The following CCDC80 variants were observed in gnomAD, a reference collection of about 807,000 sequenced individuals.
The protein encoded by CCDC80 is coiled-coil domain-containing protein 80.
A neutral mutation model predicts 78.7 loss-of-function variants in CCDC80; 49 were observed. That is an observed-to-expected ratio of 0.62 (90% CI 0.50 to 0.79). The LOEUF is 0.79. CCDC80 is among the 30% of genes least tolerant of loss of function. CCDC80 has a pLI of 0.00. For synonymous variants in CCDC80, 488 were observed against 447.0 expected (o/e 1.09, Z -1.16); for missense variants, 1,205 against 1,198.6 (o/e 1.01, Z -0.08).
intron 3 of CCDC80, among the ~76,000 whole-genome samples, chr3:112,624,518 T>C (rs527577198): frequency 7.9e-5 from 12 of 152,316 alleles, no homozygotes; most frequent in Non-Finnish European, 1.6e-4. Flanking sequence ...TAAGTTTAAA[T>C]TACTTTGCAA....
chr3:112,602,607 A>T lies in CCDC80; in HGVS notation c.*2810T>A, dbSNP rs1435201767. The T allele has an allele frequency of 6.6e-6, 1 of 152,280 alleles. No homozygotes were observed. Among genetic ancestry groups the T allele is most frequent in the African/African-American group, 2.4e-5 (1 of 41,472 alleles). The allele number at this position is 152,280 out of a possible 1,614,324, so 9.4% of individuals were successfully genotyped here. ...ATATGGAGAAACTTTGAGTCATCTG[A>T]ATAGAAGATCAAGCCAGCCACAAAA... On this transcript the variant is annotated 3_prime_UTR_variant, in exon 8 of 8. Transcript: ENST00000206423.
In CCDC80 at chr3:112,639,914, C is replaced by A. The variant is rs780938208; in HGVS notation, c.-9G>T. ...CCCATTCTCCATGTCATTGTGTAAT[C>A]CACTTTGCGATGCACGGAGGTCATA... On this transcript the variant is annotated splice_region_variant and 5_prime_UTR_variant, in exon 2 of 8. Coordinates refer to ENST00000206423, the MANE Select transcript of CCDC80 (RefSeq NM_199511.3). 20 of 1,610,224 alleles carry A rather than the reference C, an allele frequency of 1.2e-5. No individual in the cohort carries two copies. The highest frequency in any genetic ancestry group is 1.7e-5 in the Non-Finnish European group (20 of 1,177,484).
rs914052721 is a variant in CCDC80, at chr3:112,596,862, A to T, written c.*8555T>A. The T allele has an allele frequency of 1.3e-5, 2 of 152,112 alleles. No individual in the cohort carries two copies. Among genetic ancestry groups the T allele is most frequent in the African/African-American group, 4.8e-5 (2 of 41,444 alleles). 9.4% of individuals were successfully genotyped at this position (152,112 alleles called of 1,614,324 possible). Reference sequence around the variant, plus strand: ...AGAAGAAAAAGAGAATACAGATGACATCGGGGGTCCAAGAGACATTCCATA... The same window carrying T: ...AGAAGAAAAAGAGAATACAGATGACTTCGGGGGTCCAAGAGACATTCCATA... On this transcript the variant is annotated 3_prime_UTR_variant, in exon 8 of 8. Coordinates refer to ENST00000206423, the MANE Select transcript of CCDC80 (RefSeq NM_199511.3).
chr3:112,615,706 T>C (rs1316117443), intron 5 of CCDC80, among the ~76,000 whole-genome samples: 1 of 152,052 alleles, frequency 6.6e-6, no homozygotes, highest in Non-Finnish European at 1.5e-5. Flanking sequence ...ATAAAACAGT[T>C]TCCAGTAAAG....
chr3:112,601,300 CAT>C lies in CCDC80; in HGVS notation c.*4115_*4116del, dbSNP rs1238034595. 26 of 152,202 alleles carry C rather than the reference CAT, an allele frequency of 1.7e-4. No individual in the cohort carries two copies. Among genetic ancestry groups the C allele is most frequent in the African/African-American group, 5.5e-4 (23 of 41,512 alleles). The allele number at this position is 152,202 out of a possible 1,614,324, so 9.4% of individuals were successfully genotyped here. On this transcript the variant is annotated 3_prime_UTR_variant, in exon 8 of 8. Transcript: ENST00000206423. ...CAGATAAACCTATAGCAAATATTCACATGTGGTTTGAATGCATTTATTAATCT... is the reference window on the plus strand; with the variant it reads ...CAGATAAACCTATAGCAAATATTCACGTGGTTTGAATGCATTTATTAATCT...
chr3:112,609,678 T>TA (rs5851853), intron 6 of CCDC80, among the ~76,000 whole-genome samples: 24,818 of 150,170 alleles, frequency 0.17, 4,388 homozygotes, highest in African/African-American at 0.44. Flanking sequence ...TGAGACAATT[T>TA]AAAAAAAAAC....
intron 2 of CCDC80, among the ~76,000 whole-genome samples, chr3:112,634,010 A>G (rs565774022): frequency 6.6e-6 from 1 of 152,282 alleles, no homozygotes; most frequent in Middle Eastern, 3.4e-3. Flanking sequence ...TGTTGGCTCA[A>G]TGAGCCTCAG....
At chr3:112,635,372 T>G (rs530766595) in intron 2 of CCDC80, among the ~76,000 whole-genome samples, 36 of 152,326 alleles carry the variant, frequency 2.4e-4, no homozygotes, top group Non-Finnish European at 4.7e-4. Flanking sequence ...GTAGTTGTTC[T>G]CAGCCATACT....
chr3:112,628,901 G>C (rs1441730520), intron 3 of CCDC80, among the ~76,000 whole-genome samples: 3 of 152,110 alleles, frequency 2.0e-5, no homozygotes, highest in African/African-American at 7.2e-5. Flanking sequence ...ATCAGCTCTA[G>C]AGATCTGCCG....
In CCDC80 at chr3:112,638,435, T is replaced by A. The variant is rs1307786603; in HGVS notation, c.1471A>T (p.Lys491Ter). The change falls in exon 2 of 8, where the codon AAA (lysine) becomes TAA (stop). Residue 491 changes from lysine to a stop codon, truncating the protein, a stop_gained. Transcript: ENST00000206423. LOFTEE classifies it high-confidence loss of function. ...VPGPPKPAKEKPPKKKAQDKI... is the reference protein window; with the variant it reads ...VPGPPKPAKE ...TCCTGGGCCTTCTTTTTGGGAGGTTTCTCCTTTGCTGGCTTGGGAGGACCT... is the reference window on the plus strand; with the variant it reads ...TCCTGGGCCTTCTTTTTGGGAGGTTACTCCTTTGCTGGCTTGGGAGGACCT... 4 of 1,613,378 alleles carry A rather than the reference T, an allele frequency of 2.5e-6. No homozygotes were observed. The highest frequency in any genetic ancestry group is 3.4e-6 in the Non-Finnish European group (4 of 1,179,928).
chr3:112,619,244 A>G, intron 3 of CCDC80, 140 bp from the exon 4 acceptor site: 1 of 665,984 alleles, frequency 1.5e-6, no homozygotes, highest in Non-Finnish European at 2.3e-6. Flanking sequence ...TTTGAACAAA[A>G]GTTTTCGGAG....
intron 4 of CCDC80, among the ~76,000 whole-genome samples, chr3:112,617,087 C>T (rs113248690): frequency 1.4e-4 from 22 of 152,284 alleles, no homozygotes; most frequent in African/African-American, 4.3e-4. Flanking sequence ...TTCTTAACTA[C>T]GCTCCTTTTA....
At chr3:112,611,883 G>A (rs1396511304) in intron 5 of CCDC80, among the ~76,000 whole-genome samples, 1 of 152,156 alleles carries the variant, frequency 6.6e-6, no homozygotes, top group African/African-American at 2.4e-5. Context: ...GAGTGAACAT[G>A]AGAGTTTTCA....
intron 2 of CCDC80, among the ~76,000 whole-genome samples, chr3:112,630,883 G>A (rs959807055): frequency 6.6e-6 from 1 of 152,086 alleles, no homozygotes; most frequent in East Asian, 1.9e-4. Context: ...GGTGGTGTTT[G>A]TCTTTTGATA....
At chr3:112,618,831 A>G in intron 4 of CCDC80, 137 bp downstream of exon 4, 1 of 840,372 alleles carries the variant, frequency 1.2e-6, no homozygotes, top group East Asian at 2.9e-5. Context: ...AACATGGAAA[A>G]TTTGGCCCAT....
chr3:112,611,696 A>T (rs1020309264), intron 5 of CCDC80, among the ~76,000 whole-genome samples: 1 of 152,206 alleles, frequency 6.6e-6, no homozygotes, highest in Non-Finnish European at 1.5e-5. Context: ...GGGTATAAAA[A>T]GAGAGAAGGT....
intron 5 of CCDC80, among the ~76,000 whole-genome samples, chr3:112,611,276 T>C (rs769420518): frequency 1.3e-5 from 2 of 152,160 alleles, no homozygotes; most frequent in Non-Finnish European, 2.9e-5. Context: ...AAAATTAGAC[T>C]CTCAAATCTA....
intron 2 of CCDC80, among the ~76,000 whole-genome samples, chr3:112,636,581 C>T (rs1460240996): frequency 6.6e-6 from 1 of 152,218 alleles, no homozygotes; most frequent in African/African-American, 2.4e-5. Context: ...TTCAAATGCA[C>T]ATTTAAACTT....
At chr3:112,616,648 T>G (rs1935754845) in intron 5 of CCDC80, 62 bp downstream of exon 5, 6 of 1,587,852 alleles carry the variant, frequency 3.8e-6, no homozygotes, top group Non-Finnish European at 5.2e-6. Flanking sequence ...CTTTGGCATT[T>G]TCATGAGCTC....
Sources: allele counts gnomAD v4.1 joint callset (sites outside exome capture counted in the v4.1 genomes callset), GRCh38; gene constraint gnomAD v4.1.1; transcripts MANE v1.5; gene names NCBI Gene and HGNC (gene_info 2026-07-23, HGNC 2026-07-21).